The following EXTL1 variants were observed in gnomAD, a reference collection of about 807,000 sequenced individuals.
EXTL1 encodes exostosin-like 1.
In EXTL1, 43 loss-of-function variants were observed where a neutral mutation model predicts 64.6. The ratio of observed to expected loss-of-function variants is 0.67; its 90% CI spans 0.52 to 0.86. The LOEUF is 0.86. EXTL1 is among the 40% of genes least tolerant of loss of function. The probability of loss-of-function intolerance (pLI) is 0.00; values close to 1 mark genes in which losing one functional copy is unlikely to be tolerated. For missense variants in EXTL1, 766 were observed against 879.0 expected (o/e 0.87, Z 1.62); for synonymous variants, 352 against 360.5 (o/e 0.98, Z 0.27).
In EXTL1 at chr1:26,033,913, C is replaced by T; in HGVS notation, c.1679+57C>T. ...GTATCAGAGGACCAGAGACCCCACC[C>T]CCACCCCGAACGGAGCAGAGTGGCC... On this transcript the variant is annotated intron_variant, in intron 9 of 10. Transcript: ENST00000374280. This position sits in a 1 kb window ranked among gnomAD's most constrained non-coding sequence, Gnocchi z 5.1. 1 of 1,522,936 alleles carries T rather than the reference C, an allele frequency of 6.6e-7. No homozygotes were observed. Among genetic ancestry groups the T allele is most frequent in the Non-Finnish European group, 8.9e-7 (1 of 1,126,020 alleles). 94.3% of individuals were successfully genotyped at this position (1,522,936 alleles called of 1,614,324 possible). A position where few individuals can be genotyped will look rare whatever the true frequency, so the allele number is the denominator to read the frequency against.
rs779117134 is a variant in EXTL1 at position 26,035,162 on chromosome 1, T to C, written c.1849-3T>C. 10 of 1,600,296 alleles carry C rather than the reference T, an allele frequency of 6.2e-6. No homozygotes were observed. The Admixed American group carries it at 1.0e-4, about 17-fold the overall frequency. On this transcript the variant is annotated splice_polypyrimidine_tract_variant and splice_region_variant and intron_variant, in intron 10 of 10. Transcript: ENST00000374280. This position sits in a 1 kb window ranked among gnomAD's most constrained non-coding sequence, Gnocchi z 5.3. ...GTTAATGCATTGCTTCTTTCCCTCTTAGGCGCCTGGGGGCCCGGGGCCCAG... is the reference window on the plus strand; with the variant it reads ...GTTAATGCATTGCTTCTTTCCCTCTCAGGCGCCTGGGGGCCCGGGGCCCAG...
Position 26,035,007 on chromosome 1 carries a change from G to A in EXTL1, c.1848+3G>A, listed in dbSNP as rs780822924. 2.4e-5 allele frequency: 39 copies of A among 1,613,814 alleles called. No homozygotes were observed. In the East Asian group the frequency reaches 8.0e-4, roughly 33 times the overall value. On this transcript the variant is annotated splice_donor_region_variant and intron_variant, in intron 10 of 10. Coordinates refer to ENST00000374280, the MANE Select transcript of EXTL1 (RefSeq NM_004455.3). The surrounding 1 kb of genome is among the most constrained non-coding windows in gnomAD (Gnocchi z 5.3). ...AGCGCCAGGAGGCTGCTCCACTGGT[G>A]AGGGCTGAGGGGGATTGGTCGGAAC... is the stretch of plus-strand genomic sequence containing the variant.
chr1:26,027,691 A>AAAAAAAAAAAAAAAAAAGAAAAG (rs1557551528), intron 1 of EXTL1, among the ~76,000 whole-genome samples: 1 of 144,190 alleles, frequency 6.9e-6, no homozygotes, highest in Admixed American at 7.1e-5. Flanking sequence ...CCCATCTCTA[A>AAAAAAAAAAAAAAAAAAGAAAAG]AAAAAAAAAA....
chr1:26,030,469 G>A lies in EXTL1; in HGVS notation c.982-7G>A. On this transcript the variant is annotated splice_region_variant and splice_polypyrimidine_tract_variant and intron_variant, in intron 3 of 10. Coordinates refer to ENST00000374280, the MANE Select transcript of EXTL1 (RefSeq NM_004455.3). ...TTACCTGGCACTTTTCTCCCTCTCT[G>A]CTCCAGGTCCTGGCTGCCCTCCAGG... The A allele has an allele frequency of 6.2e-7, 1 of 1,607,586 alleles. No homozygotes were observed. Among genetic ancestry groups the A allele is most frequent in the Non-Finnish European group, 8.5e-7 (1 of 1,176,622 alleles).
chr1:26,023,513 A>G (rs1277263159), intron 1 of EXTL1, 88 bp downstream of exon 1: 1 of 1,316,242 alleles, frequency 7.6e-7, no homozygotes, highest in Non-Finnish European at 9.9e-7. Context: ...CAGGACTGAG[A>G]TGGGAGAACC....
In EXTL1 at chr1:26,033,403, G is replaced by A. The variant is rs76400162; in HGVS notation, c.1518+88G>A. ...CCCCTCAGGTTCCCAGGGTTGAGGGGACCCCAGGTCATGAGGTCCAGCCTC... is the reference window on the plus strand; with the variant it reads ...CCCCTCAGGTTCCCAGGGTTGAGGGAACCCCAGGTCATGAGGTCCAGCCTC... On this transcript the variant is annotated intron_variant, in intron 8 of 10. Transcript: ENST00000374280. The surrounding 1 kb of genome is among the most constrained non-coding windows in gnomAD (Gnocchi z 5.1). 17,133 of 1,191,522 alleles carry A rather than the reference G, an allele frequency of 0.014. 825 individuals carry two copies. Among genetic ancestry groups the A allele is most frequent in the East Asian group, 0.13 (5,641 of 42,638 alleles). 73.8% of individuals were successfully genotyped at this position (1,191,522 alleles called of 1,614,324 possible).
chr1:26,023,059 GC>G lies in EXTL1; in HGVS notation c.415del (p.Leu139TrpfsTer86). ...GGGGCCTGCCTCCTCCTCCTCCTCA[GC>G]CTGGACGCCCAGACTGGAGAGTGCA... ...PAGACLLLLL[S>X]LDAQTGECSS... is the part of the protein sequence containing the mutation. On this transcript the variant is annotated frameshift_variant, in exon 1 of 11. Coordinates refer to ENST00000374280, the MANE Select transcript of EXTL1 (RefSeq NM_004455.3). LOFTEE classifies it high-confidence loss of function. The G allele has an allele frequency of 1.2e-6, 2 of 1,613,726 alleles. No individual in the cohort carries two copies. Among genetic ancestry groups the G allele is most frequent in the Non-Finnish European group, 1.7e-6 (2 of 1,179,848 alleles).
At position 26,029,293 on chromosome 1, in the gene EXTL1, C is replaced by A; in HGVS notation, c.873+7C>A. 1.2e-6 allele frequency: 2 copies of A among 1,610,486 alleles called. No homozygotes were observed. The highest frequency in any genetic ancestry group is 2.2e-5 in the South Asian group (2 of 91,006). ...CTTCCTCCAAGCCCTGCAGGTACAA[C>A]CCCAATTTGAGCATCACCCATCCTC... On this transcript the variant is annotated splice_region_variant and intron_variant, in intron 2 of 10. Transcript: ENST00000374280.
At chr1:26,029,063 G>T (rs2050249400) in intron 1 of EXTL1, 130 bp from the exon 2 acceptor site, 1 of 624,782 alleles carries the variant, frequency 1.6e-6, no homozygotes, top group Non-Finnish European at 2.9e-6. Context: ...ATATGCATGA[G>T]TGGGTTTACA....
Position 26,034,787 on chromosome 1 carries a change from T to A in EXTL1, c.1680-49T>A. Reference sequence around the variant, plus strand: ...GGTCAGGAGGGAGGAGAATGGGGCCTGGGGATGGATTTGGCTGCAGCCTCT... The same window carrying A: ...GGTCAGGAGGGAGGAGAATGGGGCCAGGGGATGGATTTGGCTGCAGCCTCT... On this transcript the variant is annotated intron_variant, in intron 9 of 10. Transcript: ENST00000374280. The surrounding 1 kb of genome is among the most constrained non-coding windows in gnomAD (Gnocchi z 4.6). 6.3e-7 allele frequency: 1 copy of A among 1,580,356 alleles called. No homozygotes were observed. The highest frequency in any genetic ancestry group is 8.7e-7 in the Non-Finnish European group (1 of 1,155,510).
chr1:26,027,693 A>AAAAAAAAAAAAAAAAAAAAAAG (rs1553141858), intron 1 of EXTL1, among the ~76,000 whole-genome samples: 3 of 131,548 alleles, frequency 2.3e-5, no homozygotes, highest in Non-Finnish European at 3.3e-5. Flanking sequence ...CATCTCTAAA[A>AAAAAAAAAAAAAAAAAAAAAAG]AAAAAAAAAA....
chr1:26,032,416 T>C lies in EXTL1; in HGVS notation c.1362T>C (p.Asn454=). ...HCAQILVLWS[N]ERPLPSRWPE... is the part of the protein sequence containing the mutation. ...TCTAGATCTTGGTTCTCTGGAGCAATGAGAGGCCACTCCCATCCAGGTGGC... is the reference window on the plus strand; with the variant it reads ...TCTAGATCTTGGTTCTCTGGAGCAACGAGAGGCCACTCCCATCCAGGTGGC... The change falls in exon 7 of 11, where the codon AAT becomes AAC. Residue 454 remains asparagine, a synonymous_variant. Transcript: ENST00000374280. The C allele has an allele frequency of 6.4e-7, 1 of 1,556,578 alleles. No homozygotes were observed. The highest frequency in any genetic ancestry group is 8.7e-7 in the Non-Finnish European group (1 of 1,149,556).
At position 26,032,216 on chromosome 1, in the gene EXTL1, C is replaced by A. The variant is rs1434047068; in HGVS notation, c.1342-180C>A. The A allele has an allele frequency of 2.3e-5, 13 of 558,600 alleles. No individual in the cohort carries two copies. The African/African-American group carries it at 2.5e-4, about 11-fold the overall frequency. The allele number at this position is 558,600 out of a possible 1,614,324, so 34.6% of individuals were successfully genotyped here. On this transcript the variant is annotated intron_variant, in intron 6 of 10. Transcript: ENST00000374280. ...ACCAGAATCCCTGCCTTCTACAAGC[C>A]CAGAGGCAAGGACAGAGCAGCGGTG...
Position 26,035,089 on chromosome 1 carries a change from T to G in EXTL1, c.1849-76T>G, listed in dbSNP as rs1393193944. The stretch of plus-strand genomic sequence containing the variant: ...ATTCCCTCTCACTGTCTAATTCCAG[T>G]CTTTCTTGCTGCACGGGCGTGGGGA... On this transcript the variant is annotated intron_variant, in intron 10 of 10. Transcript: ENST00000374280. This position sits in a 1 kb window ranked among gnomAD's most constrained non-coding sequence, Gnocchi z 5.3. The G allele has an allele frequency of 1.3e-6, 2 of 1,592,812 alleles. No individual in the cohort carries two copies. The highest frequency in any genetic ancestry group is 2.7e-5 in the African/African-American group (2 of 74,542).
Position 26,035,724 on chromosome 1 carries a change from C to A in EXTL1, c.*377C>A, listed in dbSNP as rs928446107. 46 of 198,800 alleles carry A rather than the reference C, an allele frequency of 2.3e-4. No homozygotes were observed. Among genetic ancestry groups the A allele is most frequent in the Admixed American group, 5.7e-4 (10 of 17,572 alleles). 12.3% of individuals were successfully genotyped at this position (198,800 alleles called of 1,614,324 possible). A position where few individuals can be genotyped will look rare whatever the true frequency, so the allele number is the denominator to read the frequency against. On this transcript the variant is annotated 3_prime_UTR_variant, in exon 11 of 11. Transcript: ENST00000374280. This position sits in a 1 kb window ranked among gnomAD's most constrained non-coding sequence, Gnocchi z 5.3. ...GCAGTCCAGTGTTTGCCGCGGTTCC[C>A]GCACGGTCAGGCCCCAGGACTGGCT...
Position 26,029,261 on chromosome 1 carries a change from C to A in EXTL1, c.848C>A (p.Ala283Asp). The change falls in exon 2 of 11, where the codon GCC becomes GAC. Residue 283 changes from alanine to aspartate, a missense_variant. Physicochemically the swap from Ala to Asp is moderately radical, Grantham distance 126. Around this residue, in one of 3 missense-constraint regions of EXTL1, gnomAD observed 571 missense variants for 647.6 expected, o/e 0.88. Transcript: ENST00000374280. The stretch of plus-strand genomic sequence containing the variant: ...ATCTCTGGCCACCGTCCCGAGGCTG[C>A]CTCGCGCTTCCTCCAAGCCCTGCAG... ...CLISGHRPEA[A>D]SRFLQALQAG... The A allele has an allele frequency of 6.2e-7, 1 of 1,613,770 alleles. No individual in the cohort carries two copies. Among genetic ancestry groups the A allele is most frequent in the Non-Finnish European group, 8.5e-7 (1 of 1,179,800 alleles).
chr1:26,035,344 C>T lies in EXTL1; in HGVS notation c.2028C>T (p.Pro676=). The change falls in exon 11 of 11, where the codon CCC becomes CCT. Residue 676 remains proline, a synonymous_variant. Transcript: ENST00000374280. The surrounding 1 kb of genome is among the most constrained non-coding windows in gnomAD (Gnocchi z 5.3). ...AGAAGTACCGCAGCCTGGAGAAGCC[C>T]TAGGGGGGCGACCCGCGGAGACCCC... The part of the protein sequence containing the change: ...QRKKYRSLEK[P] The T allele has an allele frequency of 6.2e-7, 1 of 1,600,980 alleles. No homozygotes were observed. The highest frequency in any genetic ancestry group is 8.5e-7 in the Non-Finnish European group (1 of 1,171,254).
Position 26,033,518 on chromosome 1 carries a change from T to C in EXTL1, c.1519-178T>C, listed in dbSNP as rs1414997592. 2.0e-5 allele frequency among the ~76,000 whole-genome samples: 3 copies of C among 152,178 alleles called. No individual in the cohort carries two copies. Among genetic ancestry groups the C allele is most frequent in the African/African-American group, 7.2e-5 (3 of 41,428 alleles). ...CATGGACTCTTTTGAGAAATTGTTT[T>C]TGTGGCCCCTGGAAGCTTTCATGCC... On this transcript the variant is annotated intron_variant, in intron 8 of 10. Transcript: ENST00000374280. The surrounding 1 kb of genome is among the most constrained non-coding windows in gnomAD (Gnocchi z 5.1).
intron 1 of EXTL1, among the ~76,000 whole-genome samples, chr1:26,026,632 C>A (rs927350953): frequency 6.6e-6 from 1 of 152,060 alleles, no homozygotes; most frequent in Non-Finnish European, 1.5e-5. Context: ...GTTTTTATAC[C>A]AACACAGTTA....
Sources: allele counts gnomAD v4.1 joint callset (sites outside exome capture counted in the v4.1 genomes callset), GRCh38; gene constraint gnomAD v4.1.1; regional missense constraint gnomAD v4.1.1; non-coding constraint Gnocchi (gnomAD v3.1); transcripts MANE v1.5; gene names NCBI Gene and HGNC (gene_info 2026-07-23, HGNC 2026-07-21).